The following ZNRF1 variants were observed in gnomAD, a reference collection of about 807,000 sequenced individuals.
ZNRF1 encodes zinc and ring finger 1.
Under a neutral mutation model 18.4 loss-of-function variants are expected in ZNRF1, and 3 were observed. The observed-to-expected ratio is 0.16, with a 90% CI of 0.07 to 0.42. ZNRF1 has a LOEUF of 0.42. Among genes scored for constraint, ZNRF1 ranks in the 10% least tolerant of loss-of-function variants. The probability of loss-of-function intolerance (pLI) is 0.99; values close to 1 mark genes in which losing one functional copy is unlikely to be tolerated. For missense variants in ZNRF1, 310 were observed against 329.8 expected, an observed-to-expected ratio of 0.94 and a Z score of 0.47; for synonymous variants, 157 against 144.2, an observed-to-expected ratio of 1.09 and a Z score of -0.64.
chr16:75,048,522 A>G (rs888830669), intron 1 of ZNRF1, among the ~76,000 whole-genome samples: 17 of 152,214 alleles, frequency 1.1e-4, no homozygotes, highest in Non-Finnish European at 1.8e-4. Context: ...GAGAGATTTA[A>G]AAGAGAATGC....
At chr16:75,071,572 CTT>C (rs1003678842) in intron 1 of ZNRF1, among the ~76,000 whole-genome samples, 33 of 152,142 alleles carry the variant, frequency 2.2e-4, no homozygotes, top group Non-Finnish European at 4.1e-4. Context: ...TTTTGTGTGA[CTT>C]AGCCTTACAA....
chr16:75,094,526 A>G (rs191955018), intron 2 of ZNRF1, among the ~76,000 whole-genome samples: 1 of 152,280 alleles, frequency 6.6e-6, no homozygotes, highest in East Asian at 1.9e-4. Flanking sequence ...GCGGAGCCTC[A>G]GTTTTCTGCT....
At chr16:75,057,726 C>G (rs779221116) in intron 1 of ZNRF1, among the ~76,000 whole-genome samples, 1 of 152,314 alleles carries the variant, frequency 6.6e-6, no homozygotes, top group South Asian at 2.1e-4. Flanking sequence ...ACTTCCGTCT[C>G]CCGGGTTCAA....
intron 1 of ZNRF1, among the ~76,000 whole-genome samples, chr16:75,034,012 G>T (rs915677435): frequency 4.0e-5 from 6 of 150,806 alleles, no homozygotes; most frequent in African/African-American, 1.5e-4. Flanking sequence ...AAAGAAATTA[G>T]CCAGGTGTGT....
chr16:75,009,819 T>A (rs2034970735), intron 1 of ZNRF1, among the ~76,000 whole-genome samples: 1 of 152,046 alleles, frequency 6.6e-6, no homozygotes, highest in African/African-American at 2.4e-5. Flanking sequence ...TTTTTTTTTT[T>A]AATAGTAGCC....
At chr16:75,037,746 C>A (rs1358480664) in intron 1 of ZNRF1, among the ~76,000 whole-genome samples, 2 of 152,148 alleles carry the variant, frequency 1.3e-5, no homozygotes, top group African/African-American at 4.8e-5. Context: ...GACCCCAAAT[C>A]TATGAATAGA....
intron 1 of ZNRF1, among the ~76,000 whole-genome samples, chr16:75,087,171 C>T (rs1254441448): frequency 6.6e-6 from 1 of 152,214 alleles, no homozygotes; most frequent in Non-Finnish European, 1.5e-5. Context: ...CCTTCCTCGG[C>T]TGCTCTGTCA....
intron 1 of ZNRF1, among the ~76,000 whole-genome samples, chr16:75,081,833 C>T (rs550513141): frequency 6.6e-6 from 1 of 152,312 alleles, no homozygotes; most frequent in South Asian, 2.1e-4. Context: ...AACAGATGGT[C>T]CATCCTTTAA....
At chr16:75,071,605 C>T (rs2035871678) in intron 1 of ZNRF1, among the ~76,000 whole-genome samples, 1 of 152,150 alleles carries the variant, frequency 6.6e-6, no homozygotes, top group African/African-American at 2.4e-5. Flanking sequence ...TTTGGCCGTA[C>T]TCTGGGTCAG....
intron 1 of ZNRF1, among the ~76,000 whole-genome samples, chr16:75,059,463 G>A (rs2035715889): frequency 6.6e-6 from 1 of 151,718 alleles, no homozygotes; most frequent in South Asian, 2.1e-4. Context: ...AGCCAGGCTG[G>A]ATATCTTGGA....
intron 1 of ZNRF1, among the ~76,000 whole-genome samples, chr16:75,028,591 G>A (rs1296760997): frequency 6.6e-6 from 1 of 152,190 alleles, no homozygotes; most frequent in Non-Finnish European, 1.5e-5. Context: ...CTCTGTGCCC[G>A]GCCCCTGCTA....
chr16:75,073,787 A>G (rs572986720), intron 1 of ZNRF1, among the ~76,000 whole-genome samples: 1 of 152,156 alleles, frequency 6.6e-6, no homozygotes, highest in African/African-American at 2.4e-5. Context: ...TCTGTGGCCA[A>G]CATCCTCGTG....
chr16:75,079,429 G>A (rs555375888), intron 1 of ZNRF1, among the ~76,000 whole-genome samples: 117 of 152,272 alleles, frequency 7.7e-4, no homozygotes, highest in Non-Finnish European at 1.4e-3. Context: ...GCGGGGAGCC[G>A]AGATCATGTC....
At chr16:75,030,009 C>G (rs1466420179) in intron 1 of ZNRF1, among the ~76,000 whole-genome samples, 1 of 148,678 alleles carries the variant, frequency 6.7e-6, no homozygotes. Context: ...GTTGCAGTGA[C>G]CTGAGAGAGC....
rs138222810 is a variant in ZNRF1 at position 75,107,918 on chromosome 16, T to C, written c.*218T>C. On this transcript the variant is annotated 3_prime_UTR_variant, in exon 5 of 5. Transcript: ENST00000335325. ...GAGAAGAATGAATCAACTGCTATCC[T>C]TCCCCTCACCCCTCAGCCCAGGAGG... 1,799 of 412,512 alleles carry C rather than the reference T, an allele frequency of 4.4e-3. 7 individuals are homozygous for C. Among genetic ancestry groups the C allele is most frequent in the Non-Finnish European group, 5.5e-3 (1,111 of 200,394 alleles). The allele number at this position is 412,512 out of a possible 1,614,324, so 25.6% of individuals were successfully genotyped here.
chr16:75,081,121 C>T (rs747887024), intron 1 of ZNRF1, among the ~76,000 whole-genome samples: 18 of 152,154 alleles, frequency 1.2e-4, no homozygotes, highest in Admixed American at 5.2e-4. Flanking sequence ...TGCAGTGAGC[C>T]GAGATCACGC....
At chr16:75,030,745 A>G (rs1465184984) in intron 1 of ZNRF1, among the ~76,000 whole-genome samples, 1 of 151,852 alleles carries the variant, frequency 6.6e-6, no homozygotes. Context: ...GGGATAATAT[A>G]TAACGCATAG....
At chr16:75,023,961 C>T (rs1164250602) in intron 1 of ZNRF1, among the ~76,000 whole-genome samples, 4 of 148,274 alleles carry the variant, frequency 2.7e-5, no homozygotes, top group Non-Finnish European at 6.0e-5. Flanking sequence ...ATCTCCACCT[C>T]CTGGGTTCAA....
chr16:75,022,715 C>T (rs2035169926), intron 1 of ZNRF1, among the ~76,000 whole-genome samples: 1 of 152,230 alleles, frequency 6.6e-6, no homozygotes, highest in African/African-American at 2.4e-5. Context: ...TTAGTGACTG[C>T]TGTCATTGGA....
Sources: gnomAD v4.1 joint callset for allele counts (sites outside exome capture counted in the v4.1 genomes callset) on GRCh38, gnomAD v4.1.1 for gene constraint, MANE v1.5 for transcripts, NCBI Gene and HGNC (gene_info 2026-07-23, HGNC 2026-07-21) for gene names.